The following DLC1 variants were observed in gnomAD, a reference collection of about 807,000 sequenced individuals.
The protein encoded by DLC1 is rho GTPase-activating protein 7.
A neutral mutation model predicts 140.3 loss-of-function variants in DLC1; 54 were observed. The observed-to-expected ratio is 0.38, with a 90% confidence interval of 0.31 to 0.48. The LOEUF (loss-of-function observed/expected upper bound fraction) is 0.48, where lower values mean the gene tolerates loss of function less well. DLC1 is among the 20% of genes least tolerant of loss of function. DLC1 has a pLI of 0.96. For synonymous variants in DLC1, 986 were observed against 728.1 expected (o/e 1.35, Z -5.70); for missense variants, 2,536 against 1,907.0 (o/e 1.33, Z -6.14).
intron 4 of DLC1, among the ~76,000 whole-genome samples, chr8:13,362,910 G>T (rs758111883): frequency 6.6e-6 from 1 of 152,038 alleles, no homozygotes; most frequent in Non-Finnish European, 1.5e-5. Flanking sequence ...TCCTAGAGAG[G>T]CCTTTCCAGA....
intron 4 of DLC1, among the ~76,000 whole-genome samples, chr8:13,307,713 G>C (rs904210827): frequency 1.3e-5 from 2 of 152,112 alleles, no homozygotes; most frequent in Admixed American, 1.3e-4. Context: ...GTGCTTACTG[G>C]GTGCTTAGTT....
At chr8:13,309,018 A>C (rs1384436515) in intron 4 of DLC1, among the ~76,000 whole-genome samples, 1 of 152,200 alleles carries the variant, frequency 6.6e-6, no homozygotes, top group Non-Finnish European at 1.5e-5. Flanking sequence ...TAAAACACCG[A>C]ATGCCTATTT....
intron 2 of DLC1, among the ~76,000 whole-genome samples, chr8:13,455,914 A>C (rs1563363066): frequency 6.6e-6 from 1 of 152,210 alleles, no homozygotes; most frequent in Non-Finnish European, 1.5e-5. Context: ...AATAAATACA[A>C]ATATGGAACT....
chr8:13,598,061 G>T (rs554914055), intron 1 of DLC1, among the ~76,000 whole-genome samples: 2 of 151,852 alleles, frequency 1.3e-5, no homozygotes, highest in Admixed American at 6.6e-5. Flanking sequence ...CTAAGTAAAC[G>T]CCACTAGGCT....
chr8:13,589,784 A>G (rs1805454894), intron 1 of DLC1, among the ~76,000 whole-genome samples: 1 of 151,716 alleles, frequency 6.6e-6, no homozygotes, highest in Admixed American at 6.6e-5. Context: ...TTTAATTTAA[A>G]GAATTTTAAA....
chr8:13,490,705 G>A (rs538046563), intron 2 of DLC1, among the ~76,000 whole-genome samples: 1 of 152,214 alleles, frequency 6.6e-6, no homozygotes, highest in African/African-American at 2.4e-5. Context: ...TCACTATTAC[G>A]ATGGCCTCCA....
intron 1 of DLC1, among the ~76,000 whole-genome samples, chr8:13,553,284 C>G (rs1254730777): frequency 1.6e-5 from 2 of 127,898 alleles, no homozygotes; most frequent in African/African-American, 5.8e-5. Flanking sequence ...TTTAGATGAA[C>G]TTTCTGTGCT....
rs76386958 is a variant in DLC1 at position 13,529,062 on chromosome 8, G to A, written c.-125-28866C>T. Among the ~76,000 whole-genome samples the A allele has an allele frequency of 3.8e-3, 572 of 152,248 alleles. 2 individuals are homozygous for A. Among genetic ancestry groups the A allele is most frequent in the African/African-American group, 0.013 (536 of 41,546 alleles). ...ACAACAGTGACATTTATTACTCAAC[G>A]AGAAGAAGATAGAAACCAAAAAACA... On this transcript the variant is annotated intron_variant, in intron 1 of 1. Coordinates refer to the DLC1 transcript ENST00000631382.
intron 1 of DLC1, among the ~76,000 whole-genome samples, chr8:13,551,308 A>G (rs1421755085): frequency 6.6e-6 from 1 of 152,132 alleles, no homozygotes; most frequent in Non-Finnish European, 1.5e-5. Flanking sequence ...GTGCACACAT[A>G]TCTCTGGGAG....
At chr8:13,424,655 CT>C (rs1838474605) in intron 2 of DLC1, among the ~76,000 whole-genome samples, 1 of 151,986 alleles carries the variant, frequency 6.6e-6, no homozygotes, top group Non-Finnish European at 1.5e-5. Context: ...TCACTGCAAG[CT>C]TCACCTCCCG....
intron 5 of DLC1, among the ~76,000 whole-genome samples, chr8:13,216,061 C>G (rs1828187447): frequency 6.6e-6 from 1 of 152,170 alleles, no homozygotes; most frequent in African/African-American, 2.4e-5. Context: ...TCAAAGTGAA[C>G]CTTCCGAAGA....
At chr8:13,297,011 C>G (rs1370122372) in intron 5 of DLC1, among the ~76,000 whole-genome samples, 2 of 151,706 alleles carry the variant, frequency 1.3e-5, no homozygotes, top group African/African-American at 4.8e-5. Context: ...AAAATACCAA[C>G]AGAAAATGAA....
At chr8:13,095,284 A>ATGC in intron 10 of DLC1, 39 bp from the exon 11 acceptor site, 1 of 1,613,262 alleles carries the variant, frequency 6.2e-7, no homozygotes, top group South Asian at 1.1e-5. Context: ...TGGCGGAGAC[A>ATGC]TGCTCACTTG....
chr8:13,290,566 G>T (rs1175758014), intron 5 of DLC1, among the ~76,000 whole-genome samples: 4 of 152,038 alleles, frequency 2.6e-5, no homozygotes, highest in Non-Finnish European at 5.9e-5. Context: ...TTCACATGTG[G>T]TTTTTATTAT....
chr8:13,537,666 T>G (rs1803331111), intron 1 of DLC1, among the ~76,000 whole-genome samples: 1 of 147,696 alleles, frequency 6.8e-6, no homozygotes, highest in Admixed American at 6.8e-5. Context: ...TTTTTTTTTT[T>G]TTTTTGAGAC....
intron 5 of DLC1, among the ~76,000 whole-genome samples, chr8:13,239,996 A>C (rs1179209373): frequency 6.6e-6 from 1 of 152,128 alleles, no homozygotes; most frequent in Non-Finnish European, 1.5e-5. Flanking sequence ...GAGGTATCTA[A>C]GTGTCTACAG....
intron 4 of DLC1, among the ~76,000 whole-genome samples, chr8:13,366,812 C>T (rs2117099054): frequency 6.6e-6 from 1 of 152,232 alleles, no homozygotes; most frequent in Admixed American, 6.5e-5. Context: ...GAAGGCCACC[C>T]AGCTGTACTT....
At chr8:13,142,240 A>G (rs960994967) in intron 5 of DLC1, among the ~76,000 whole-genome samples, 15 of 152,224 alleles carry the variant, frequency 9.9e-5, no homozygotes, top group African/African-American at 3.4e-4. Context: ...AGTCTTGGGT[A>G]TTTCTTTATA....
chr8:13,142,433 A>G (rs1823073332), intron 5 of DLC1, among the ~76,000 whole-genome samples: 1 of 152,204 alleles, frequency 6.6e-6, no homozygotes, highest in Non-Finnish European at 1.5e-5. Context: ...TATTAAGGCA[A>G]AAACAACACA....
Sources: allele counts gnomAD v4.1 joint callset (sites outside exome capture counted in the v4.1 genomes callset), GRCh38; gene constraint gnomAD v4.1.1; transcripts MANE v1.5; gene names NCBI Gene and HGNC (gene_info 2026-07-23, HGNC 2026-07-21).